OPN5: variants seen among roughly 807,000 people sequenced by gnomAD.
The protein encoded by OPN5 is opsin 5, also known as opsin-5.
OPN5 carries 18 observed loss-of-function variants against 41.7 expected under a neutral mutation model. That is an observed-to-expected ratio of 0.43 (90% CI 0.30 to 0.64). The LOEUF (loss-of-function observed/expected upper bound fraction) is 0.64, where lower values mean the gene tolerates loss of function less well. OPN5 is among the 30% of genes least tolerant of loss of function. The probability of loss-of-function intolerance (pLI) is 0.13; values close to 1 mark genes in which losing one functional copy is unlikely to be tolerated. For synonymous variants in OPN5, 178 were observed against 164.3 expected, an observed-to-expected ratio of 1.08 and a Z score of -0.64; for missense variants, 318 against 434.5, an observed-to-expected ratio of 0.73 and a Z score of 2.38.
intron 6 of OPN5, among the ~76,000 whole-genome samples, chr6:47,812,716 G>T (rs1762288861): frequency 6.6e-6 from 1 of 152,126 alleles, no homozygotes; most frequent in African/African-American, 2.4e-5. Flanking sequence ...TTAATTCAAT[G>T]ACTAGACAGG....
intron 1 of OPN5, among the ~76,000 whole-genome samples, chr6:47,782,808 G>T (rs1349428913): frequency 6.6e-6 from 1 of 152,136 alleles, no homozygotes; most frequent in Non-Finnish European, 1.5e-5. Flanking sequence ...TGACGAAAGG[G>T]TGCACCTGCT....
intron 3 of OPN5, among the ~76,000 whole-genome samples, chr6:47,792,645 C>G (rs556233712): frequency 3.3e-5 from 5 of 152,308 alleles, no homozygotes; most frequent in African/African-American, 7.2e-5. Context: ...TTTGTTGGAG[C>G]TCTCGGAATT....
chr6:47,791,421 G>C (rs1025253223), intron 2 of OPN5, among the ~76,000 whole-genome samples: 5 of 152,056 alleles, frequency 3.3e-5, no homozygotes, highest in Non-Finnish European at 7.4e-5. Context: ...CTAAGCCTTC[G>C]AATGAAAGAC....
intron 3 of OPN5, among the ~76,000 whole-genome samples, chr6:47,792,502 GGT>G (rs1773408866): frequency 2.0e-5 from 3 of 151,994 alleles, no homozygotes; most frequent in Admixed American, 2.0e-4. Flanking sequence ...TTTTTTTTGT[GGT>G]GTTGGTTGGT....
exon 2 of OPN5, chr6:47,786,610 G>A (rs750541702): frequency 6.2e-7 from 1 of 1,613,502 alleles, no homozygotes; most frequent in South Asian, 1.1e-5. Flanking sequence ...TATCAATTTA[G>A]CAGTCTGTGA....
chr6:47,803,790 G>T (rs554485853), intron 4 of OPN5, among the ~76,000 whole-genome samples: 16 of 152,264 alleles, frequency 1.1e-4, no homozygotes, highest in Admixed American at 9.8e-4. Flanking sequence ...TGAAATAGTT[G>T]TTCCTAGAAA....
chr6:47,792,143 C>T (rs1300788797), intron 3 of OPN5, among the ~76,000 whole-genome samples, 171 bp downstream of exon 3: 1 of 152,094 alleles, frequency 6.6e-6, no homozygotes, highest in Non-Finnish European at 1.5e-5. Context: ...GGATTTTAAC[C>T]TATGTCAAAG....
At chr6:47,786,520 C>T in exon 2 of OPN5, 5 of 1,608,990 alleles carry the variant, frequency 3.1e-6, no homozygotes, top group Non-Finnish European at 4.2e-6. Context: ...TGTAGGGATT[C>T]TGTCCACATT....
chr6:47,786,477 T>A (rs1030604976), intron 1 of OPN5, 38 bp from the exon 2 acceptor site: 9 of 1,583,428 alleles, frequency 5.7e-6, no homozygotes, highest in Non-Finnish European at 7.8e-6. Context: ...ACTCGAAATC[T>A]TAGTTTTAAC....
chr6:47,783,305 G>C (rs80070720), intron 1 of OPN5, among the ~76,000 whole-genome samples: 1 of 152,046 alleles, frequency 6.6e-6, no homozygotes, highest in African/African-American at 2.4e-5. Context: ...AGGTTTGTTT[G>C]CCTTTAATTT....
chr6:47,813,432 G>A (rs1762324538), intron 6 of OPN5, among the ~76,000 whole-genome samples: 1 of 152,120 alleles, frequency 6.6e-6, no homozygotes, highest in South Asian at 2.1e-4. Flanking sequence ...AGCACCCCTG[G>A]GTACCAACAA....
At chr6:47,814,786 A>G (rs1055521094) in intron 6 of OPN5, among the ~76,000 whole-genome samples, 1 of 152,132 alleles carries the variant, frequency 6.6e-6, no homozygotes, top group Non-Finnish European at 1.5e-5. Flanking sequence ...ATTGCATTTT[A>G]TGTCTGGGAG....
chr6:47,813,345 A>G (rs17552922), intron 6 of OPN5, among the ~76,000 whole-genome samples: 6,289 of 152,276 alleles, frequency 0.041, 174 homozygotes, highest in Non-Finnish European at 0.065. Context: ...GATAATAACA[A>G]TAGTATCACA....
chr6:47,804,806 A>G (rs1773901299), intron 4 of OPN5, among the ~76,000 whole-genome samples: 2 of 152,228 alleles, frequency 1.3e-5, no homozygotes, highest in East Asian at 3.8e-4. Context: ...TGTTTGTAAA[A>G]CTGAAGTATA....
chr6:47,789,150 C>T (rs566144429), intron 2 of OPN5, among the ~76,000 whole-genome samples: 20 of 152,308 alleles, frequency 1.3e-4, no homozygotes, highest in African/African-American at 4.6e-4. Flanking sequence ...TAGCACCCAC[C>T]TGGCTGACAC....
rs1452259697 is a variant in OPN5, at chr6:47,782,580, G to A, written c.130+384G>A. 2.6e-5 allele frequency among the ~76,000 whole-genome samples: 4 copies of A among 152,058 alleles called. No individual in the cohort carries two copies. The East Asian group carries it at 7.7e-4, about 29-fold the overall frequency. On this transcript the variant is annotated intron_variant, in intron 1 of 6. Coordinates refer to ENST00000371211, the Ensembl canonical transcript of OPN5. ...ATCATAAGTTTTAGGTTGAGAATGG[G>A]CCTTAAAAATAATCTAGGTCAGTCT...
At chr6:47,814,904 A>G (rs918562226) in intron 6 of OPN5, among the ~76,000 whole-genome samples, 1 of 152,154 alleles carries the variant, frequency 6.6e-6, no homozygotes, top group Non-Finnish European at 1.5e-5. Flanking sequence ...TTGGAAAGTT[A>G]ATGGTTGAAA....
intron 6 of OPN5, among the ~76,000 whole-genome samples, chr6:47,820,644 G>A (rs1349323052): frequency 6.6e-6 from 1 of 152,118 alleles, no homozygotes; most frequent in African/African-American, 2.4e-5. Context: ...GGGTGTGATA[G>A]CATCTGAGGA....
chr6:47,810,132 C>T (rs1220137943), intron 5 of OPN5, among the ~76,000 whole-genome samples: 3 of 152,166 alleles, frequency 2.0e-5, no homozygotes, highest in Non-Finnish European at 4.4e-5. Context: ...TCCTATTAGC[C>T]GTTTATACGA....
Sources: gnomAD v4.1 joint callset for allele counts (sites outside exome capture counted in the v4.1 genomes callset) on GRCh38, gnomAD v4.1.1 for gene constraint, MANE v1.5 for transcripts, NCBI Gene and HGNC (gene_info 2026-07-23, HGNC 2026-07-21) for gene names.